Variants in DNAH8 observed in about 807,000 individuals in gnomAD.
DNAH8 encodes the protein axonemal beta dynein heavy chain 8.
Under a neutral mutation model 562.1 loss-of-function variants are expected in DNAH8, and 382 were observed. The observed-to-expected ratio is 0.68, with a 90% CI of 0.63 to 0.74. The LOEUF is 0.74. Among genes scored for constraint, DNAH8 ranks in the 30% least tolerant of loss-of-function variants. DNAH8 has a pLI of 0.00. For missense variants in DNAH8, 5,203 were observed against 5,620.4 expected (o/e 0.93, Z 2.37); for synonymous variants, 1,881 against 1,919.4 (o/e 0.98, Z 0.52).
intron 53 of DNAH8, among the ~76,000 whole-genome samples, chr6:38,882,623 C>A (rs1304902215): frequency 6.6e-6 from 1 of 152,082 alleles, no homozygotes; most frequent in Non-Finnish European, 1.5e-5. Flanking sequence ...ATGCTTATCA[C>A]CTGGTGATGA....
At chr6:38,911,830 G>A (rs1780926822) in intron 66 of DNAH8, among the ~76,000 whole-genome samples, 1 of 152,152 alleles carries the variant, frequency 6.6e-6, no homozygotes. Context: ...TCAACTCTGG[G>A]TCCCCTGTGC....
rs562852660 is a variant in DNAH8 at position 38,827,733 on chromosome 6, CTTTT to C, written c.4084-416_4084-413del. Among the ~76,000 whole-genome samples, 48 of 52,244 alleles carry C rather than the reference CTTTT, an allele frequency of 9.2e-4. 19 individuals carry two copies. The East Asian group carries it at 0.012, about 13-fold the overall frequency. 34.3% of individuals were successfully genotyped at this position (52,244 alleles called of 152,430 possible). A position where few individuals can be genotyped will look rare whatever the true frequency, so the allele number is the denominator to read the frequency against. On this transcript the variant is annotated intron_variant, in intron 29 of 92. Transcript: ENST00000327475. ...TGCAAAAGCTTAATTCTTTACCAAA[CTTTT>C]TTTTTTTTTTTTTTTTTTTTTTTTT...
intron 87 of DNAH8, among the ~76,000 whole-genome samples, chr6:38,984,913 G>A (rs554900456): frequency 6.6e-6 from 1 of 152,136 alleles, no homozygotes; most frequent in East Asian, 1.9e-4. Context: ...TGTGCCCAGG[G>A]CCTCTCCCCC....
In DNAH8 at chr6:38,890,100, C is replaced by T. The variant is rs115230757; in HGVS notation, c.8474-552C>T. Among the ~76,000 whole-genome samples, 265 of 152,250 alleles carry T rather than the reference C, an allele frequency of 1.7e-3. 1 individual carries two copies. The highest frequency in any genetic ancestry group is 6.2e-3 in the African/African-American group (257 of 41,550). ...TGCTGGGTGTTCCCTAGGAATGTTGCATGTCTAGCCCAGGCCAGAGTGGTG... is the reference window on the plus strand; with the variant it reads ...TGCTGGGTGTTCCCTAGGAATGTTGTATGTCTAGCCCAGGCCAGAGTGGTG... On this transcript the variant is annotated intron_variant, in intron 57 of 92. Coordinates refer to ENST00000327475, the MANE Select transcript of DNAH8 (RefSeq NM_001206927.2).
At chr6:38,780,849 T>A (rs929668459) in intron 15 of DNAH8, among the ~76,000 whole-genome samples, 1 of 151,326 alleles carries the variant, frequency 6.6e-6, no homozygotes, top group Non-Finnish European at 1.5e-5. Flanking sequence ...AAATAAAAGT[T>A]AAAAAAAAAC....
chr6:38,794,946 A>T (rs1417991944), intron 21 of DNAH8, among the ~76,000 whole-genome samples: 1 of 152,172 alleles, frequency 6.6e-6, no homozygotes, highest in Admixed American at 6.5e-5. Context: ...GATTATGAAT[A>T]TATTTAGCTT....
intron 9 of DNAH8, among the ~76,000 whole-genome samples, chr6:38,753,512 G>A (rs1202471117): frequency 5.9e-5 from 9 of 152,036 alleles, no homozygotes; most frequent in Non-Finnish European, 4.4e-5. Flanking sequence ...AAGTGAATAT[G>A]GCACAACGTT....
At position 38,838,678 on chromosome 6, in the gene DNAH8, C is replaced by T. The variant is rs150239019; in HGVS notation, c.4466+636C>T. ...CCTCCCAAAGTGCTGGGATTACAGG[C>T]GTGAGCCACCACGCCTGGCTCCCCT... On this transcript the variant is annotated intron_variant, in intron 33 of 92. Coordinates refer to ENST00000327475, the MANE Select transcript of DNAH8 (RefSeq NM_001206927.2). Among the ~76,000 whole-genome samples the T allele has an allele frequency of 0.011, 1,541 of 141,566 alleles. 84 individuals carry two copies. The East Asian group carries it at 0.16, about 15-fold the overall frequency. 92.9% of individuals were successfully genotyped at this position (141,566 alleles called of 152,430 possible).
At chr6:38,791,257 C>T (rs1583015621) in intron 20 of DNAH8, among the ~76,000 whole-genome samples, 1 of 152,142 alleles carries the variant, frequency 6.6e-6, no homozygotes, top group East Asian at 1.9e-4. Context: ...CTTCTCAGAG[C>T]CTTGGTGTCT....
In DNAH8 at chr6:38,874,094, TTCTCTTTCTCCTTCCTTCCTTCCTCCTTC is replaced by T. The variant is rs1561797613; in HGVS notation, c.7620+728_7620+756del. On this transcript the variant is annotated intron_variant, in intron 52 of 92. Transcript: ENST00000327475. ...TTTCTTTCTTTCTTTCTTTCTTTCT[TTCTCTTTCTCCTTCCTTCCTTCCTCCTTC>T]TCTCTTTCTTTCTTTCTCTTTCTCC... 1.9e-3 allele frequency among the ~76,000 whole-genome samples: 235 copies of T among 122,658 alleles called. 12 individuals are homozygous for T. The highest frequency in any genetic ancestry group is 6.9e-3 in the African/African-American group (221 of 31,916). The allele number at this position is 122,658 out of a possible 152,430, so 80.5% of individuals were successfully genotyped here. A position where few individuals can be genotyped will look rare whatever the true frequency, so the allele number is the denominator to read the frequency against.
intron 10 of DNAH8, among the ~76,000 whole-genome samples, chr6:38,760,519 T>C (rs1375049105): frequency 6.6e-6 from 1 of 152,162 alleles, no homozygotes; most frequent in Non-Finnish European, 1.5e-5. Flanking sequence ...TCCAAAGACT[T>C]TCCTTTCTCT....
At chr6:38,823,985 G>A (rs1191261933) in intron 28 of DNAH8, among the ~76,000 whole-genome samples, 3 of 152,100 alleles carry the variant, frequency 2.0e-5, no homozygotes, top group Non-Finnish European at 4.4e-5. Context: ...TACACAGGAC[G>A]ATTCCTCCAC....
intron 15 of DNAH8, 32 bp downstream of exon 15, chr6:38,780,097 ATT>A: frequency 1.3e-6 from 2 of 1,586,580 alleles, no homozygotes; most frequent in South Asian, 2.3e-5. Flanking sequence ...AAAATGGTAC[ATT>A]AGCACAAAAA....
intron 16 of DNAH8, among the ~76,000 whole-genome samples, chr6:38,782,582 A>C (rs1211668432): frequency 6.6e-6 from 1 of 152,202 alleles, no homozygotes; most frequent in Admixed American, 6.5e-5. Flanking sequence ...GCACCCGGCC[A>C]AGAAATTTTA....
At chr6:39,017,902 G>A (rs527828484) in intron 91 of DNAH8, among the ~76,000 whole-genome samples, 37 of 152,284 alleles carry the variant, frequency 2.4e-4, no homozygotes, top group Non-Finnish European at 4.6e-4. Context: ...AAAGTCTGCC[G>A]TTTGTGGAGG....
chr6:39,021,908 G>A (rs1259000245), intron 91 of DNAH8, among the ~76,000 whole-genome samples: 1 of 152,186 alleles, frequency 6.6e-6, no homozygotes, highest in East Asian at 1.9e-4. Context: ...CCTTTTCTAA[G>A]ACCTTGTATG....
At chr6:38,883,087 A>G (rs201772856) in intron 54 of DNAH8, 35 bp downstream of exon 54, 3 of 1,531,742 alleles carry the variant, frequency 2.0e-6, no homozygotes, top group African/African-American at 2.8e-5. Context: ...AATGATCACA[A>G]ACCATCCATG....
At chr6:39,003,118 G>A (rs1047019329) in intron 88 of DNAH8, among the ~76,000 whole-genome samples, 2 of 152,188 alleles carry the variant, frequency 1.3e-5, no homozygotes, top group South Asian at 2.1e-4. Context: ...AAGCAAAGAA[G>A]CCTGGTTAAC....
intron 87 of DNAH8, among the ~76,000 whole-genome samples, chr6:38,985,393 C>T (rs1764312285): frequency 6.6e-6 from 1 of 151,980 alleles, no homozygotes; most frequent in Non-Finnish European, 1.5e-5. Flanking sequence ...ATTCTTTTTT[C>T]TTGACAAAAT....
Sources: gnomAD v4.1 joint callset for allele counts (sites outside exome capture counted in the v4.1 genomes callset) on GRCh38, gnomAD v4.1.1 for gene constraint, MANE v1.5 for transcripts, NCBI Gene and HGNC (gene_info 2026-07-23, HGNC 2026-07-21) for gene names.